The following PRKN variants were observed in gnomAD, a reference collection of about 807,000 sequenced individuals.
PRKN encodes the protein E3 ubiquitin-protein ligase parkin.
In PRKN, 56 loss-of-function variants were observed where a neutral mutation model predicts 59.5. That is an observed-to-expected ratio of 0.94 (90% confidence interval 0.76 to 1.18). The LOEUF (loss-of-function observed/expected upper bound fraction) is 1.18, where lower values mean the gene tolerates loss of function less well. Ranked by LOEUF, PRKN falls within the 50% of genes most tolerant of loss-of-function variation. The pLI, the probability that PRKN is intolerant of heterozygous loss-of-function variation, is 0.00. For synonymous variants in PRKN, 250 were observed against 222.1 expected (o/e 1.13, Z -1.12); for missense variants, 657 against 596.4 (o/e 1.10, Z -1.06).
intron 2 of PRKN, among the ~76,000 whole-genome samples, chr6:162,426,087 T>C (rs1343462647): frequency 6.6e-6 from 1 of 152,212 alleles, no homozygotes; most frequent in Non-Finnish European, 1.5e-5. Context: ...AATCTCAATA[T>C]AGAATTATCT....
intron 2 of PRKN, among the ~76,000 whole-genome samples, chr6:162,279,933 T>C (rs1487774321): frequency 6.6e-6 from 1 of 152,164 alleles, no homozygotes; most frequent in Admixed American, 6.5e-5. Flanking sequence ...GTAATGCCTT[T>C]CTTTGTCTGT....
At chr6:162,365,950 T>C (rs1309267396) in intron 2 of PRKN, among the ~76,000 whole-genome samples, 1 of 152,116 alleles carries the variant, frequency 6.6e-6, no homozygotes, top group African/African-American at 2.4e-5. Flanking sequence ...TACTTCAACT[T>C]GGATTGTAGC....
At chr6:161,358,540 G>T (rs1784851304) in intron 11 of PRKN, among the ~76,000 whole-genome samples, 1 of 152,056 alleles carries the variant, frequency 6.6e-6, no homozygotes, top group Non-Finnish European at 1.5e-5. Flanking sequence ...TCTTGAACTC[G>T]GGAGGTGGAG....
In PRKN at chr6:161,376,334, C is replaced by T. The variant is rs1424538349; in HGVS notation, c.1167+10460G>A. On this transcript the variant is annotated intron_variant, in intron 10 of 11. Coordinates refer to ENST00000366898, the MANE Select transcript of PRKN (RefSeq NM_004562.3). This position sits in a 1 kb window ranked among gnomAD's most constrained non-coding sequence, Gnocchi z 7.3. ...GCATCCACTCCTTTCCCCACTGAACCCCTAGCTGAGATGTCCACAATGAAT... is the reference window on the plus strand; with the variant it reads ...GCATCCACTCCTTTCCCCACTGAACTCCTAGCTGAGATGTCCACAATGAAT... 6.6e-6 allele frequency among the ~76,000 whole-genome samples: 1 copy of T among 152,188 alleles called. No homozygotes were observed. Among genetic ancestry groups the T allele is most frequent in the Non-Finnish European group, 1.5e-5 (1 of 68,028 alleles).
At chr6:162,021,532 A>G (rs977050360) in intron 5 of PRKN, among the ~76,000 whole-genome samples, 1 of 148,964 alleles carries the variant, frequency 6.7e-6, no homozygotes, top group African/African-American at 2.5e-5. Flanking sequence ...AACATTTTGA[A>G]GTCCCTTCCT....
chr6:162,186,013 T>G (rs1461822144), intron 4 of PRKN, among the ~76,000 whole-genome samples: 1 of 152,122 alleles, frequency 6.6e-6, no homozygotes, highest in Admixed American at 6.6e-5. Flanking sequence ...CACCTCACAC[T>G]GTTCCTTTGG....
At chr6:161,901,371 C>G (rs1408388470) in intron 6 of PRKN, among the ~76,000 whole-genome samples, 1 of 152,112 alleles carries the variant, frequency 6.6e-6, no homozygotes, top group African/African-American at 2.4e-5. Context: ...TCAGTCCTGC[C>G]TGGGGGAGAG....
At chr6:161,717,029 G>T (rs901522444) in intron 7 of PRKN, among the ~76,000 whole-genome samples, 1 of 152,134 alleles carries the variant, frequency 6.6e-6, no homozygotes, top group African/African-American at 2.4e-5. Context: ...CATGTAGGCT[G>T]GGCTGGCCAA....
chr6:161,608,144 G>A (rs1029173011), intron 7 of PRKN, among the ~76,000 whole-genome samples: 1 of 151,976 alleles, frequency 6.6e-6, no homozygotes, highest in African/African-American at 2.4e-5. Flanking sequence ...AGGAGGAGTG[G>A]GACCTCAGAA....
chr6:162,132,117 A>G (rs1055758797), intron 4 of PRKN, among the ~76,000 whole-genome samples: 5 of 152,236 alleles, frequency 3.3e-5, no homozygotes, highest in Non-Finnish European at 5.9e-5. Flanking sequence ...GTGGACACAG[A>G]GAGGAGAAAG....
At position 161,579,745 on chromosome 6, in the gene PRKN, G is replaced by A. The variant is rs1445892442; in HGVS notation, c.872-10329C>T. ...AGAGGGGCTGGGGGTAAAGTGGAAT[G>A]GGGCAGGGGAACAGAAAAGAGTTTA... On this transcript the variant is annotated intron_variant, in intron 7 of 11. Transcript: ENST00000366898. This position sits in a 1 kb window ranked among gnomAD's most constrained non-coding sequence, Gnocchi z 4.2. Among the ~76,000 whole-genome samples, 1 of 152,158 alleles carries A rather than the reference G, an allele frequency of 6.6e-6. No individual in the cohort carries two copies. The highest frequency in any genetic ancestry group is 1.9e-4 in the East Asian group (1 of 5,200).
At chr6:162,691,530 C>T (rs955509735) in intron 1 of PRKN, among the ~76,000 whole-genome samples, 1 of 152,184 alleles carries the variant, frequency 6.6e-6, no homozygotes, top group African/African-American at 2.4e-5. Flanking sequence ...CCAATTATCT[C>T]ATTGGATATC....
At chr6:162,224,689 C>T (rs993284287) in intron 3 of PRKN, among the ~76,000 whole-genome samples, 2 of 152,086 alleles carry the variant, frequency 1.3e-5, no homozygotes, top group Admixed American at 1.3e-4. Context: ...GGGAAGTAGG[C>T]CTGGGGAATT....
intron 6 of PRKN, among the ~76,000 whole-genome samples, chr6:161,950,583 G>C (rs1455070478): frequency 2.6e-5 from 4 of 152,118 alleles, no homozygotes; most frequent in Non-Finnish European, 4.4e-5. Context: ...CAAAGAGAAA[G>C]AAAACAAATG....
At chr6:162,138,704 T>A (rs1014109796) in intron 4 of PRKN, among the ~76,000 whole-genome samples, 6 of 151,904 alleles carry the variant, frequency 3.9e-5, no homozygotes, top group African/African-American at 1.5e-4. Context: ...GTGTTGAAAG[T>A]CTCAAATGTA....
rs565001269 is a variant in PRKN at position 161,377,314 on chromosome 6, G to A, written c.1167+9480C>T. ...CCAAGCAGGCCCACGGGGCGTGAGC[G>A]AGCTGCACAAGCAGGTCCTCAGACC... On this transcript the variant is annotated intron_variant, in intron 10 of 11. Transcript: ENST00000366898. The surrounding 1 kb of genome is among the most constrained non-coding windows in gnomAD (Gnocchi z 4.2). Among the ~76,000 whole-genome samples, 25 of 152,360 alleles carry A rather than the reference G, an allele frequency of 1.6e-4. No individual in the cohort carries two copies. Among genetic ancestry groups the A allele is most frequent in the African/African-American group, 5.8e-4 (24 of 41,594 alleles).
At chr6:162,157,245 C>T (rs116356919) in intron 4 of PRKN, among the ~76,000 whole-genome samples, 1 of 151,846 alleles carries the variant, frequency 6.6e-6, no homozygotes, top group African/African-American at 2.4e-5. Flanking sequence ...CTCCAAGAAC[C>T]CTTCCTGCAC....
At chr6:161,817,773 C>CG (rs1360118966) in intron 6 of PRKN, among the ~76,000 whole-genome samples, 1 of 152,152 alleles carries the variant, frequency 6.6e-6, no homozygotes, top group African/African-American at 2.4e-5. Context: ...CACATGATCA[C>CG]GAATGACAAC....
chr6:162,196,779 G>A (rs1784511697), intron 4 of PRKN, among the ~76,000 whole-genome samples: 1 of 152,110 alleles, frequency 6.6e-6, no homozygotes, highest in African/African-American at 2.4e-5. Flanking sequence ...TATTAAATGT[G>A]AAACATGATT....
Sources: allele counts gnomAD v4.1 joint callset (sites outside exome capture counted in the v4.1 genomes callset), GRCh38; gene constraint gnomAD v4.1.1; non-coding constraint Gnocchi (gnomAD v3.1); transcripts MANE v1.5; gene names NCBI Gene and HGNC (gene_info 2026-07-23, HGNC 2026-07-21).